Variants in TAFA2 observed in about 807,000 individuals in gnomAD.
TAFA2 encodes chemokine-like protein TAFA-2.
In TAFA2, 7 loss-of-function variants were observed where a neutral mutation model predicts 18.8. That is an observed-to-expected ratio of 0.37 (90% confidence interval 0.21 to 0.70). TAFA2 has a LOEUF of 0.70. Among genes scored for constraint, TAFA2 ranks in the 30% least tolerant of loss-of-function variants. The probability of loss-of-function intolerance (pLI) is 0.53; values close to 1 mark genes in which losing one functional copy is unlikely to be tolerated. For missense variants in TAFA2, 122 were observed against 158.1 expected, an observed-to-expected ratio of 0.77 and a Z score of 1.23; for synonymous variants, 60 against 54.2, an observed-to-expected ratio of 1.11 and a Z score of -0.47.
At chr12:61,898,155 G>T (rs1376135292) in intron 1 of TAFA2, among the ~76,000 whole-genome samples, 1 of 152,248 alleles carries the variant, frequency 6.6e-6, no homozygotes, top group African/African-American at 2.4e-5. Context: ...GCCTTGGGCA[G>T]TTCTGACCCC....
intron 4 of TAFA2, among the ~76,000 whole-genome samples, chr12:61,714,862 G>C (rs573284100): frequency 6.6e-6 from 1 of 152,246 alleles, no homozygotes; most frequent in South Asian, 2.1e-4. Flanking sequence ...TAGGTTATCC[G>C]CAGGAGGTAA....
At chr12:62,091,734 A>C (rs1868724349) in intron 1 of TAFA2, among the ~76,000 whole-genome samples, 1 of 151,998 alleles carries the variant, frequency 6.6e-6, no homozygotes, top group Non-Finnish European at 1.5e-5. Context: ...GACCCACGAT[A>C]GTCATTCAGT....
intron 1 of TAFA2, among the ~76,000 whole-genome samples, chr12:61,964,393 A>G (rs1878998561): frequency 6.6e-6 from 1 of 151,852 alleles, no homozygotes. Flanking sequence ...CTCCTGAATT[A>G]TCTTCCTTCT....
At chr12:61,842,918 T>C (rs1873245553) in intron 2 of TAFA2, among the ~76,000 whole-genome samples, 1 of 152,088 alleles carries the variant, frequency 6.6e-6, no homozygotes, top group Non-Finnish European at 1.5e-5. Flanking sequence ...AGATTTAGTG[T>C]ATGACTGCAA....
rs1186396327 is a variant in TAFA2, at chr12:61,882,042, T to G, written c.-1-14616A>C. On this transcript the variant is annotated intron_variant, in intron 1 of 4. Coordinates refer to ENST00000416284, the MANE Select transcript of TAFA2 (RefSeq NM_178539.5). ...ACCTATGGACTTCAAATGAGTGCCA[T>G]TATATGAAATAACTGTGCTTATAAG... 2.0e-5 allele frequency among the ~76,000 whole-genome samples: 3 copies of G among 152,170 alleles called. No homozygotes were observed. In the South Asian group the frequency reaches 6.2e-4, roughly 32 times the overall value.
At chr12:61,908,819 A>G (rs907061746) in intron 1 of TAFA2, among the ~76,000 whole-genome samples, 5 of 152,200 alleles carry the variant, frequency 3.3e-5, no homozygotes, top group East Asian at 3.8e-4. Flanking sequence ...TGACAGGAGA[A>G]CTATATAATA....
At position 62,192,241 on chromosome 12, in the gene TAFA2, T is replaced by G. The variant is rs2062629213; in HGVS notation, c.-984A>C. On this transcript the variant is annotated 5_prime_UTR_variant, in exon 1 of 5. Transcript: ENST00000416284. Reference sequence around the variant, plus strand: ...GCCCCACGCAGCCCACCCGCTGCCCTTCTAGGCATCGTGGGCTGGAAGGAA... The same window carrying G: ...GCCCCACGCAGCCCACCCGCTGCCCGTCTAGGCATCGTGGGCTGGAAGGAA... 1 of 152,216 alleles carries G rather than the reference T, an allele frequency of 6.6e-6. No homozygotes were observed. Among genetic ancestry groups the G allele is most frequent in the Non-Finnish European group, 1.5e-5 (1 of 68,112 alleles). The allele number at this position is 152,216 out of a possible 1,614,324, so 9.4% of individuals were successfully genotyped here.
chr12:61,773,254 T>C (rs12301651), intron 2 of TAFA2, among the ~76,000 whole-genome samples: 8,622 of 151,994 alleles, frequency 0.057, 816 homozygotes, highest in African/African-American at 0.2. Flanking sequence ...ATGGGTAGAA[T>C]CAATATTGTA....
intron 2 of TAFA2, among the ~76,000 whole-genome samples, chr12:61,801,555 T>C (rs578172755): frequency 6.6e-6 from 1 of 152,096 alleles, no homozygotes; most frequent in East Asian, 1.9e-4. Flanking sequence ...AAGTGTCTTA[T>C]ATGCAGAAAA....
At chr12:62,238,175 A>C (rs1023875541) in intron 1 of TAFA2, among the ~76,000 whole-genome samples, 1 of 152,184 alleles carries the variant, frequency 6.6e-6, no homozygotes, top group African/African-American at 2.4e-5. Flanking sequence ...GGGTTTCCAC[A>C]TGGCATCTGG....
intron 1 of TAFA2, among the ~76,000 whole-genome samples, chr12:61,984,145 A>G (rs561506639): frequency 6.6e-6 from 1 of 152,354 alleles, no homozygotes; most frequent in Admixed American, 6.5e-5. Flanking sequence ...GTGTAGACAC[A>G]CTAAAAGCAA....
intron 1 of TAFA2, among the ~76,000 whole-genome samples, chr12:62,118,035 TG>T (rs1870035020): frequency 6.6e-6 from 1 of 152,096 alleles, no homozygotes; most frequent in South Asian, 2.1e-4. Context: ...AAACAAATAT[TG>T]GGGCTCTGAT....
At chr12:61,914,047 T>C (rs1876718472) in intron 1 of TAFA2, among the ~76,000 whole-genome samples, 1 of 152,130 alleles carries the variant, frequency 6.6e-6, no homozygotes, top group South Asian at 2.1e-4. Context: ...CCACCCCAAT[T>C]GACCTAACCC....
intron 1 of TAFA2, among the ~76,000 whole-genome samples, chr12:62,036,872 A>C (rs955938893): frequency 1.3e-5 from 2 of 152,204 alleles, no homozygotes; most frequent in Admixed American, 6.5e-5. Flanking sequence ...TTACTGGCTA[A>C]AACAAAAAAT....
chr12:61,998,549 G>C (rs1029090935), intron 1 of TAFA2, among the ~76,000 whole-genome samples: 8 of 152,094 alleles, frequency 5.3e-5, no homozygotes, highest in African/African-American at 1.9e-4. Flanking sequence ...AATAGTCACA[G>C]TTATATTAAG....
chr12:62,045,758 C>A (rs1326197675), intron 1 of TAFA2, among the ~76,000 whole-genome samples: 1 of 152,072 alleles, frequency 6.6e-6, no homozygotes, highest in Admixed American at 6.6e-5. Context: ...TTTCCTCTCT[C>A]CTTACCAAAA....
intron 1 of TAFA2, among the ~76,000 whole-genome samples, chr12:62,081,539 C>T (rs956748050): frequency 2.0e-5 from 3 of 151,820 alleles, no homozygotes; most frequent in African/African-American, 7.3e-5. Flanking sequence ...GGCTGGAGTA[C>T]GGTGGTGCAA....
In TAFA2 at chr12:61,997,057, T is replaced by C. The variant is rs868645871; in HGVS notation, c.-1-129631A>G. ...ACATAAAATCCACCCTTTCTGGAGG[T>C]TGTATTCCAGCAGGAAGAAACAAAA... On this transcript the variant is annotated intron_variant, in intron 1 of 4. Transcript: ENST00000416284. Among the ~76,000 whole-genome samples, 19 of 151,990 alleles carry C rather than the reference T, an allele frequency of 1.3e-4. No individual in the cohort carries two copies. The South Asian group carries it at 1.5e-3, about 12-fold the overall frequency.
Position 61,867,400 on chromosome 12 carries a change from G to A in TAFA2, c.26C>T (p.Ala9Val), listed in dbSNP as rs1240873111. 2.5e-6 allele frequency: 4 copies of A among 1,601,980 alleles called. No individual in the cohort carries two copies. The highest frequency in any genetic ancestry group is 1.1e-5 in the South Asian group (1 of 90,488). MSKRYLQK[A>V]TKGKLLIIIF... ...TATTATTAGCAGTTTTCCTTTTGTT[G>A]CTTTCTGTAAGTATCTCTTACTCAT... is the stretch of plus-strand genomic sequence containing the variant. The change falls in exon 2 of 5, where the codon GCA becomes GTA. Residue 9 changes from alanine (A) to valine (V), a missense_variant. Around this residue, in one of 2 missense-constraint regions of TAFA2, gnomAD observed 62 missense variants for 55.5 expected, o/e 1.12. Transcript: ENST00000416284.
Sources: allele counts gnomAD v4.1 joint callset (sites outside exome capture counted in the v4.1 genomes callset), GRCh38; gene constraint gnomAD v4.1.1; regional missense constraint gnomAD v4.1.1; transcripts MANE v1.5; gene names NCBI Gene and HGNC (gene_info 2026-07-23, HGNC 2026-07-21).